The following IFNG-AS1 variants were observed in gnomAD, a reference collection of about 807,000 sequenced individuals.
IFNG-AS1 encodes IFNG regulatory antisense RNA 1.
At chr12:67,998,355 A>G (rs566127780) in intron 2 of IFNG-AS1, among the ~76,000 whole-genome samples, 36 of 152,108 alleles carry the variant, frequency 2.4e-4, no homozygotes, top group Middle Eastern at 3.4e-3. Context: ...CACAATCCAA[A>G]TAGGTTTTTC....
intron 2 of IFNG-AS1, among the ~76,000 whole-genome samples, chr12:68,000,721 T>C (rs902074008): frequency 6.6e-6 from 1 of 152,124 alleles, no homozygotes; most frequent in African/African-American, 2.4e-5. Flanking sequence ...TGGAAAAACA[T>C]ATTTATTCCA....
In IFNG-AS1 at chr12:68,009,753, G is replaced by C. The variant is rs191671454; in HGVS notation, n.241+3607G>C. Among the ~76,000 whole-genome samples the C allele has an allele frequency of 9.3e-4, 142 of 152,244 alleles. 1 individual carries two copies. The highest frequency in any genetic ancestry group is 2.7e-3 in the African/African-American group (112 of 41,554). Reference sequence around the variant, plus strand: ...CTCCATGCAGTCATTCCGAGATCTTGTCTTTTTCCATCTGGTGGCTCCCCA... The same window carrying C: ...CTCCATGCAGTCATTCCGAGATCTTCTCTTTTTCCATCTGGTGGCTCCCCA... On this transcript the variant is annotated intron_variant and non_coding_transcript_variant, in intron 3 of 5. Coordinates refer to ENST00000536914, the Ensembl canonical transcript of IFNG-AS1.
intron 1 of IFNG-AS1, among the ~76,000 whole-genome samples, chr12:67,992,497 T>C (rs1879539857): frequency 6.6e-6 from 1 of 152,238 alleles, no homozygotes; most frequent in African/African-American, 2.4e-5. Flanking sequence ...AGGTATTATA[T>C]AACTGCTCTG....
rs538965849 is a variant in IFNG-AS1 at position 68,002,232 on chromosome 12, C to T, written n.185-3858C>T. 1.1e-4 allele frequency among the ~76,000 whole-genome samples: 17 copies of T among 152,302 alleles called. 1 individual carries two copies. In the Middle Eastern group the frequency reaches 0.01, roughly 91 times the overall value. On this transcript the variant is annotated intron_variant and non_coding_transcript_variant, in intron 2 of 5. Transcript: ENST00000536914. ...ACAGGGCCAAGCCCTCCTCCTAAACCGGCAAATGCACATGGTAGGTCATGG... is the reference window on the plus strand; with the variant it reads ...ACAGGGCCAAGCCCTCCTCCTAAACTGGCAAATGCACATGGTAGGTCATGG...
chr12:67,998,693 A>G (rs1238649985), intron 2 of IFNG-AS1, among the ~76,000 whole-genome samples: 1 of 152,162 alleles, frequency 6.6e-6, no homozygotes, highest in African/African-American at 2.4e-5. Flanking sequence ...CAATACAAAC[A>G]ATAACAAATG....
chr12:68,013,990 C>CACCCTCATAG (rs1880091291), intron 3 of IFNG-AS1, among the ~76,000 whole-genome samples: 1 of 152,186 alleles, frequency 6.6e-6, no homozygotes, highest in Non-Finnish European at 1.5e-5. Context: ...CATTCTTATG[C>CACCCTCATAG]CTTTGCACCC....
chr12:67,998,045 A>G (rs1879683149), intron 2 of IFNG-AS1, among the ~76,000 whole-genome samples: 1 of 151,882 alleles, frequency 6.6e-6, no homozygotes, highest in South Asian at 2.1e-4. Flanking sequence ...TGACAATGTC[A>G]AGTGGTACAA....
intron 3 of IFNG-AS1, among the ~76,000 whole-genome samples, chr12:68,014,145 T>C (rs1792657453): frequency 6.6e-6 from 1 of 152,226 alleles, no homozygotes; most frequent in African/African-American, 2.4e-5. Flanking sequence ...GCTAAGTAGT[T>C]TTCCATCATA....
intron 1 of IFNG-AS1, among the ~76,000 whole-genome samples, chr12:67,992,868 T>C (rs1194385185): frequency 6.6e-6 from 1 of 152,230 alleles, no homozygotes. Context: ...ACTTTAAGGT[T>C]CAGAAAACAT....
At chr12:68,009,586 C>T (rs1252494998) in intron 3 of IFNG-AS1, among the ~76,000 whole-genome samples, 3 of 152,170 alleles carry the variant, frequency 2.0e-5, no homozygotes, top group African/African-American at 7.2e-5. Flanking sequence ...CGTGATCCAC[C>T]CACCTCAGTC....
intron 3 of IFNG-AS1, among the ~76,000 whole-genome samples, chr12:68,018,850 C>A (rs528929183): frequency 1.3e-5 from 2 of 151,656 alleles, no homozygotes; most frequent in Non-Finnish European, 2.9e-5. Flanking sequence ...GCGGAAGGTC[C>A]AAACACCATT....
intron 3 of IFNG-AS1, among the ~76,000 whole-genome samples, chr12:68,013,873 T>A (rs768094973): frequency 5.9e-5 from 9 of 152,164 alleles, no homozygotes; most frequent in Non-Finnish European, 1.2e-4. Context: ...ATTTGTGAGA[T>A]TTTGGTGCAC....
intron 3 of IFNG-AS1, among the ~76,000 whole-genome samples, chr12:68,011,785 C>T (rs574383424): frequency 1.3e-5 from 2 of 152,238 alleles, no homozygotes; most frequent in East Asian, 3.9e-4. Context: ...GGGGCCTCAC[C>T]GAGGCAGCCC....
intron 3 of IFNG-AS1, among the ~76,000 whole-genome samples, chr12:68,010,515 C>T (rs188878897): frequency 0.02 from 3,089 of 152,302 alleles, 39 homozygotes; most frequent in Non-Finnish European, 0.031. Flanking sequence ...CACACACTTT[C>T]TGTGCTGTCC....
intron 2 of IFNG-AS1, among the ~76,000 whole-genome samples, chr12:67,999,131 A>G (rs1478359496): frequency 6.6e-6 from 1 of 152,220 alleles, no homozygotes; most frequent in African/African-American, 2.4e-5. Flanking sequence ...GATAAGATAG[A>G]TAGATAGATA....
chr12:68,014,938 C>T (rs1447217050), intron 3 of IFNG-AS1, among the ~76,000 whole-genome samples: 2 of 152,098 alleles, frequency 1.3e-5, no homozygotes, highest in African/African-American at 4.8e-5. Flanking sequence ...GTGAAAAGAG[C>T]AATGCACATT....
intron 1 of IFNG-AS1, among the ~76,000 whole-genome samples, chr12:67,990,365 C>A (rs1019859173): frequency 3.9e-5 from 6 of 152,156 alleles, no homozygotes; most frequent in Non-Finnish European, 5.9e-5. Context: ...TGTTTCTCAG[C>A]TGAAATTCAA....
chr12:67,999,319 C>G (rs535255828), intron 2 of IFNG-AS1, among the ~76,000 whole-genome samples: 9 of 152,230 alleles, frequency 5.9e-5, no homozygotes, highest in African/African-American at 2.2e-4. Context: ...GCAATGAACA[C>G]AAAGAGCACC....
At chr12:68,002,998 C>T (rs376584497) in intron 2 of IFNG-AS1, among the ~76,000 whole-genome samples, 8 of 152,164 alleles carry the variant, frequency 5.3e-5, no homozygotes, top group South Asian at 4.1e-4. Flanking sequence ...GGACTAAGAG[C>T]GTGTGTTATT....
Sources: allele counts gnomAD v4.1 joint callset (sites outside exome capture counted in the v4.1 genomes callset), GRCh38; gene constraint gnomAD v4.1.1; transcripts MANE v1.5; gene names NCBI Gene and HGNC (gene_info 2026-07-23, HGNC 2026-07-21).